Variants in CTDSPL2 observed in about 807,000 individuals in gnomAD.
CTDSPL2 encodes CTD small phosphatase like 2.
CTDSPL2 carries 5 observed loss-of-function variants against 60.0 expected under a neutral mutation model. The ratio of observed to expected loss-of-function variants is 0.08; its 90% CI spans 0.04 to 0.18. The LOEUF is 0.18. CTDSPL2 is among the 10% of genes least tolerant of loss of function. The pLI is 1.00. For missense variants in CTDSPL2, 370 were observed against 548.8 expected (o/e 0.67, Z 3.26); for synonymous variants, 186 against 189.3 (o/e 0.98, Z 0.14).
At chr15:44,518,336 TGA>T (rs940779365) in intron 10 of CTDSPL2, among the ~76,000 whole-genome samples, 1 of 152,174 alleles carries the variant, frequency 6.6e-6, no homozygotes, top group African/African-American at 2.4e-5. Context: ...GAGTATAAAT[TGA>T]GATTATAATA....
chr15:44,493,645 A>C (rs1013219067), intron 5 of CTDSPL2, among the ~76,000 whole-genome samples: 3 of 152,052 alleles, frequency 2.0e-5, no homozygotes, highest in Non-Finnish European at 2.9e-5. Flanking sequence ...ACAACAACAA[A>C]AAAATTAGCT....
intron 10 of CTDSPL2, 196 bp from the exon 11 acceptor site, chr15:44,518,972 TA>T: frequency 2.9e-6 from 1 of 346,522 alleles, no homozygotes; most frequent in Non-Finnish European, 5.2e-6. Context: ...TATTTGGTTG[TA>T]AGCTTTCAGT....
At chr15:44,441,396 G>A (rs1330042934) in intron 1 of CTDSPL2, among the ~76,000 whole-genome samples, 3 of 152,154 alleles carry the variant, frequency 2.0e-5, no homozygotes, top group Non-Finnish European at 4.4e-5. Flanking sequence ...CACCACAGAG[G>A]AGGGCTCTCT....
At position 44,509,762 on chromosome 15, in the gene CTDSPL2, C is replaced by G. The variant is rs187502062; in HGVS notation, c.970-4836C>G. On this transcript the variant is annotated intron_variant, in intron 8 of 12. Transcript: ENST00000260327. ...CTGACATGTCAAAACCCCGTCTCTACTAAAAATACAAAAATTAGCCGGTTG... is the reference window on the plus strand; with the variant it reads ...CTGACATGTCAAAACCCCGTCTCTAGTAAAAATACAAAAATTAGCCGGTTG... 7.9e-3 allele frequency among the ~76,000 whole-genome samples: 1,196 copies of G among 151,812 alleles called. 12 individuals carry two copies. The highest frequency in any genetic ancestry group is 0.012 in the Non-Finnish European group (830 of 67,928).
chr15:44,495,099 A>C (rs1458562779), intron 5 of CTDSPL2, among the ~76,000 whole-genome samples: 1 of 152,020 alleles, frequency 6.6e-6, no homozygotes, highest in African/African-American at 2.4e-5. Flanking sequence ...AGCCTCCTGA[A>C]TAGCTGGGAT....
intron 2 of CTDSPL2, among the ~76,000 whole-genome samples, chr15:44,480,973 A>G (rs528361254): frequency 1.3e-5 from 2 of 152,332 alleles, no homozygotes; most frequent in African/African-American, 4.8e-5. Context: ...ACCATGTTCA[A>G]AGTATACCCA....
chr15:44,467,696 C>T (rs2140728212), intron 2 of CTDSPL2, among the ~76,000 whole-genome samples: 1 of 152,272 alleles, frequency 6.6e-6, no homozygotes, highest in Admixed American at 6.5e-5. Flanking sequence ...GCCTTAGTCT[C>T]CCAAGTAACT....
chr15:44,528,451 A>G lies in CTDSPL2; in HGVS notation c.*4277A>G, dbSNP rs1000469310. ...AATCAATGTTTTAGCTAAATGTGACACTGGTTTGAGAGTAGGCAACAAAAT... is the reference window on the plus strand; with the variant it reads ...AATCAATGTTTTAGCTAAATGTGACGCTGGTTTGAGAGTAGGCAACAAAAT... On this transcript the variant is annotated 3_prime_UTR_variant, in exon 13 of 13. Coordinates refer to ENST00000260327, the MANE Select transcript of CTDSPL2 (RefSeq NM_016396.3). 2.0e-5 allele frequency: 3 copies of G among 150,956 alleles called. No individual in the cohort carries two copies. Among genetic ancestry groups the G allele is most frequent in the East Asian group, 3.9e-4 (2 of 5,158 alleles). 9.4% of individuals were successfully genotyped at this position (150,956 alleles called of 1,614,324 possible).
chr15:44,483,747 T>A (rs1163995129), intron 2 of CTDSPL2, among the ~76,000 whole-genome samples: 1 of 152,124 alleles, frequency 6.6e-6, no homozygotes, highest in African/African-American at 2.4e-5. Context: ...ATTGAATAAT[T>A]GAGGTAGGCA....
intron 11 of CTDSPL2, chr15:44,519,510 T>A (rs989601124): frequency 2.6e-6 from 1 of 391,996 alleles, no homozygotes. Context: ...AAGAAAAACC[T>A]GAGTAAGAAA....
intron 1 of CTDSPL2, among the ~76,000 whole-genome samples, chr15:44,436,803 A>G (rs1254171649): frequency 6.6e-6 from 1 of 152,054 alleles, no homozygotes; most frequent in East Asian, 1.9e-4. Context: ...AATTTTCTTT[A>G]TTTATATGTG....
chr15:44,461,724 AAAGT>A (rs1443829729), intron 2 of CTDSPL2, among the ~76,000 whole-genome samples: 3 of 152,088 alleles, frequency 2.0e-5, no homozygotes, highest in African/African-American at 7.2e-5. Flanking sequence ...TTCTTACAAT[AAAGT>A]AAGCTAGAAA....
At chr15:44,500,566 G>A (rs1434024877) in intron 8 of CTDSPL2, among the ~76,000 whole-genome samples, 1 of 152,126 alleles carries the variant, frequency 6.6e-6, no homozygotes, top group Non-Finnish European at 1.5e-5. Flanking sequence ...ATTGGGAATC[G>A]AAAAGTTTGT....
intron 1 of CTDSPL2, among the ~76,000 whole-genome samples, chr15:44,442,897 G>GCCT (rs1340961276): frequency 6.6e-6 from 1 of 151,878 alleles, no homozygotes; most frequent in African/African-American, 2.4e-5. Flanking sequence ...GATCGCTTGA[G>GCCT]CCTGGGACGT....
intron 1 of CTDSPL2, among the ~76,000 whole-genome samples, chr15:44,444,005 G>A (rs1400238371): frequency 1.3e-5 from 2 of 151,430 alleles, no homozygotes; most frequent in Admixed American, 1.3e-4. Context: ...TGAGTTCAAG[G>A]GATCCTCCCA....
chr15:44,443,981 C>T (rs117296335), intron 1 of CTDSPL2, among the ~76,000 whole-genome samples: 1 of 152,096 alleles, frequency 6.6e-6, no homozygotes, highest in East Asian at 1.9e-4. Context: ...TAGCTCGCTG[C>T]ACTCTTGAAC....
chr15:44,523,840 A>C (rs2140876815), intron 12 of CTDSPL2, among the ~76,000 whole-genome samples: 1 of 152,320 alleles, frequency 6.6e-6, no homozygotes, highest in East Asian at 1.9e-4. Context: ...CAGAAGTTGC[A>C]GTGAGCTGAG....
At position 44,524,111 on chromosome 15, in the gene CTDSPL2, T is replaced by A; in HGVS notation, c.1338T>A (p.Asn446Lys). The part of the protein sequence containing the change: ...IPFLEKLVEL[N>K]EDVRPHIRDR... ...AAAATTGTCTTTTTTCCACGCAGAATGAAGATGTTCGACCACACATCAGAG... is the reference window on the plus strand; with the variant it reads ...AAAATTGTCTTTTTTCCACGCAGAAAGAAGATGTTCGACCACACATCAGAG... The change falls in exon 13 of 13, where the codon AAT becomes AAA. Residue 446 changes from asparagine to lysine, a missense_variant and splice_region_variant. This residue lies in a region of CTDSPL2 where 46 missense variants were observed against 126.0 expected (regional missense o/e 0.37). Transcript: ENST00000260327. 1 of 1,613,682 alleles carries A rather than the reference T, an allele frequency of 6.2e-7. No homozygotes were observed. The highest frequency in any genetic ancestry group is 8.5e-7 in the Non-Finnish European group (1 of 1,179,706).
chr15:44,430,731 G>A (rs1215870190), intron 1 of CTDSPL2, among the ~76,000 whole-genome samples: 2 of 152,118 alleles, frequency 1.3e-5, no homozygotes, highest in Non-Finnish European at 2.9e-5. Context: ...GTTTATTTGT[G>A]TTGTGCTCTA....
Sources: gnomAD v4.1 joint callset for allele counts (sites outside exome capture counted in the v4.1 genomes callset) on GRCh38, gnomAD v4.1.1 for gene constraint, gnomAD v4.1.1 regional missense constraint, MANE v1.5 for transcripts, NCBI Gene and HGNC (gene_info 2026-07-23, HGNC 2026-07-21) for gene names.